The following CDH18 variants were observed in gnomAD, a reference collection of about 807,000 sequenced individuals.
The protein encoded by CDH18 is cadherin-18.
CDH18 carries 31 observed loss-of-function variants against 67.9 expected under a neutral mutation model. The ratio of observed to expected loss-of-function variants is 0.46; its 90% CI spans 0.34 to 0.62. The LOEUF (loss-of-function observed/expected upper bound fraction) is 0.62. Among genes scored for constraint, CDH18 ranks in the 20% least tolerant of loss-of-function variants. The pLI is 0.01. For synonymous variants in CDH18, 362 were observed against 347.2 expected, an observed-to-expected ratio of 1.04 and a Z score of -0.48; for missense variants, 890 against 975.5, an observed-to-expected ratio of 0.91 and a Z score of 1.17.
At chr5:19,491,800 C>CAA (rs112118148) in intron 11 of CDH18, among the ~76,000 whole-genome samples, 17 of 149,130 alleles carry the variant, frequency 1.1e-4, no homozygotes, top group African/African-American at 2.2e-4. Flanking sequence ...ATGAATGCTG[C>CAA]AAAAAAAAAC....
chr5:19,796,564 T>C (rs1042779805), intron 3 of CDH18, among the ~76,000 whole-genome samples: 5 of 152,102 alleles, frequency 3.3e-5, no homozygotes, highest in African/African-American at 1.2e-4. Context: ...ACATACCTTA[T>C]TGGTTGGCTA....
At chr5:19,871,920 C>T (rs1381322100) in intron 2 of CDH18, among the ~76,000 whole-genome samples, 2 of 152,144 alleles carry the variant, frequency 1.3e-5, no homozygotes, top group Non-Finnish European at 2.9e-5. Flanking sequence ...ATGTTAATAA[C>T]ACTATACTTT....
chr5:19,506,129 G>GAA (rs755295798), intron 10 of CDH18, among the ~76,000 whole-genome samples: 37 of 152,178 alleles, frequency 2.4e-4, no homozygotes, highest in Middle Eastern at 6.8e-3. Flanking sequence ...ATAACAGAGA[G>GAA]CCAAATCATG....
At chr5:19,685,455 T>G (rs371181361) in intron 5 of CDH18, among the ~76,000 whole-genome samples, 1 of 152,174 alleles carries the variant, frequency 6.6e-6, no homozygotes. Context: ...TCTGCCTTGG[T>G]GCGTTATTAG....
At chr5:19,785,409 T>C (rs1487841080) in intron 3 of CDH18, among the ~76,000 whole-genome samples, 1 of 150,972 alleles carries the variant, frequency 6.6e-6, no homozygotes, top group Non-Finnish European at 1.5e-5. Flanking sequence ...TCCCAGCACT[T>C]TGGGAGGCCG....
chr5:20,151,699 G>A (rs1751118849), intron 2 of CDH18, among the ~76,000 whole-genome samples: 1 of 151,996 alleles, frequency 6.6e-6, no homozygotes, highest in Non-Finnish European at 1.5e-5. Flanking sequence ...GAGACGGTAC[G>A]TCAAATACTT....
At chr5:20,542,598 T>G (rs1213002829) in intron 1 of CDH18, among the ~76,000 whole-genome samples, 1 of 151,946 alleles carries the variant, frequency 6.6e-6, no homozygotes, top group African/African-American at 2.4e-5. Context: ...TGCATTTCTA[T>G]ACAAATTTTT....
At chr5:20,563,976 T>C (rs898279873) in intron 1 of CDH18, among the ~76,000 whole-genome samples, 1 of 152,162 alleles carries the variant, frequency 6.6e-6, no homozygotes, top group African/African-American at 2.4e-5. Context: ...GTAAGTTTAA[T>C]CTATGACTAT....
At chr5:20,050,646 C>T (rs1383684697) in intron 2 of CDH18, among the ~76,000 whole-genome samples, 1 of 151,652 alleles carries the variant, frequency 6.6e-6, no homozygotes, top group African/African-American at 2.4e-5. Context: ...GCAAACTGTA[C>T]CAGATTATTA....
intron 2 of CDH18, among the ~76,000 whole-genome samples, chr5:20,251,366 G>C (rs186090913): frequency 6.6e-6 from 1 of 152,076 alleles, no homozygotes; most frequent in South Asian, 2.1e-4. Flanking sequence ...TGCTCACACC[G>C]ATAGATAAAA....
chr5:19,717,410 G>T (rs912488583), intron 5 of CDH18, among the ~76,000 whole-genome samples: 1 of 21,300 alleles, frequency 4.7e-5, no homozygotes. Flanking sequence ...TAAGGAAATG[G>T]AAAGTTTCCA....
chr5:20,358,662 G>A (rs560020330), intron 1 of CDH18, among the ~76,000 whole-genome samples: 23 of 152,184 alleles, frequency 1.5e-4, no homozygotes, highest in African/African-American at 5.5e-4. Flanking sequence ...GGAAGTTACA[G>A]GTTTTTTTAA....
chr5:20,409,129 C>T lies in CDH18; in HGVS notation c.-579-153624G>A, dbSNP rs188892558. Among the ~76,000 whole-genome samples the T allele has an allele frequency of 7.8e-4, 118 of 151,806 alleles. 1 individual carries two copies. The highest frequency in any genetic ancestry group is 3.4e-3 in the Middle Eastern group (1 of 294). ...ATAATTGTAGGTAACTACAATACCA[C>T]ACTTAAGGAAACATGATGTAAGCAA... On this transcript the variant is annotated intron_variant, in intron 1 of 14. Transcript: ENST00000507958.
chr5:20,433,870 TAGAG>T (rs1249959539), intron 1 of CDH18, among the ~76,000 whole-genome samples: 3 of 152,020 alleles, frequency 2.0e-5, no homozygotes, highest in Admixed American at 6.6e-5. Context: ...AAAATTATGT[TAGAG>T]AGAGTAGAAA....
chr5:19,552,462 A>G (rs183259015), intron 8 of CDH18, among the ~76,000 whole-genome samples: 1 of 152,266 alleles, frequency 6.6e-6, no homozygotes, highest in East Asian at 1.9e-4. Flanking sequence ...TCCTGTACTA[A>G]TCTACAAGCA....
chr5:19,762,782 T>G (rs1772541324), intron 3 of CDH18, among the ~76,000 whole-genome samples: 1 of 152,058 alleles, frequency 6.6e-6, no homozygotes, highest in South Asian at 2.1e-4. Flanking sequence ...CATGCTACCA[T>G]AAAGACACAT....
intron 2 of CDH18, among the ~76,000 whole-genome samples, chr5:20,103,353 A>ATC (rs1489071500): frequency 6.6e-6 from 1 of 152,210 alleles, no homozygotes; most frequent in Non-Finnish European, 1.5e-5. Context: ...TTATAAAATC[A>ATC]TCATTTGAGA....
At chr5:20,161,957 C>T (rs1395320237) in intron 2 of CDH18, among the ~76,000 whole-genome samples, 2 of 151,340 alleles carry the variant, frequency 1.3e-5, no homozygotes, top group African/African-American at 2.4e-5. Flanking sequence ...TTTTTCTTTC[C>T]ACCTAGCTCT....
In CDH18 at chr5:20,381,061, G is replaced by A. The variant is rs552247302; in HGVS notation, c.-579-125556C>T. ...CACATCTGTAGGTGTAGGAAGAGGA[G>A]ATTAGGATACACAGAGAAACACAGG... On this transcript the variant is annotated intron_variant, in intron 1 of 14. Transcript: ENST00000507958. Among the ~76,000 whole-genome samples the A allele has an allele frequency of 3.3e-5, 5 of 152,198 alleles. No individual in the cohort carries two copies. In the East Asian group the frequency reaches 9.7e-4, roughly 29 times the overall value.
Sources: gnomAD v4.1 joint callset for allele counts (sites outside exome capture counted in the v4.1 genomes callset) on GRCh38, gnomAD v4.1.1 for gene constraint, MANE v1.5 for transcripts, NCBI Gene and HGNC (gene_info 2026-07-23, HGNC 2026-07-21) for gene names.